Variants in TRAF5 observed in about 807,000 individuals in gnomAD.
The protein encoded by TRAF5 is TNF receptor associated factor 5.
Under a neutral mutation model 64.5 loss-of-function variants are expected in TRAF5, and 48 were observed. The observed-to-expected ratio is 0.74, with a 90% confidence interval of 0.59 to 0.95. The LOEUF is 0.95. Among genes scored for constraint, TRAF5 ranks in the 40% least tolerant of loss-of-function variants. The pLI, the probability that TRAF5 is intolerant of heterozygous loss-of-function variation, is 0.00. For missense variants in TRAF5, 545 were observed against 662.8 expected, an observed-to-expected ratio of 0.82 and a Z score of 1.95; for synonymous variants, 206 against 240.5, an observed-to-expected ratio of 0.86 and a Z score of 1.33.
intron 4 of TRAF5, chr1:211,357,593 C>T (rs981057320): frequency 1.3e-5 from 2 of 151,434 alleles, no homozygotes; most frequent in Non-Finnish European, 3.0e-5. Flanking sequence ...TGTTTCCCAC[C>T]CACCCACTTC....
rs1703456243 is a variant in TRAF5, at chr1:211,369,552, AGTT to A, written c.894_896del (p.Leu298del). ...GAAAAGGAGTTCAAGCAGTTTGCACAGTTGTTTGGCAAAAATGGAAGCTTCCTC... is the reference window on the plus strand; with the variant it reads ...GAAAAGGAGTTCAAGCAGTTTGCACAGTTTGGCAAAAATGGAAGCTTCCTC... On this transcript the variant is annotated inframe_deletion, in exon 9 of 11. Transcript: ENST00000261464. 1 of 1,600,076 alleles carries A rather than the reference AGTT, an allele frequency of 6.2e-7. No individual in the cohort carries two copies. Among genetic ancestry groups the A allele is most frequent in the African/African-American group, 1.3e-5 (1 of 74,346 alleles).
At chr1:211,337,370 G>T (rs140406054) in intron 1 of TRAF5, among the ~76,000 whole-genome samples, 2 of 152,174 alleles carry the variant, frequency 1.3e-5, no homozygotes, top group East Asian at 1.9e-4. Flanking sequence ...TCAAGAAGAC[G>T]CAAGGCAGTG....
chr1:211,327,189 G>T lies in TRAF5; in HGVS notation c.-2+300G>T, dbSNP rs189171675. Among the ~76,000 whole-genome samples, 518 of 152,200 alleles carry T rather than the reference G, an allele frequency of 3.4e-3. 4 individuals carry two copies. Among genetic ancestry groups the T allele is most frequent in the African/African-American group, 0.012 (486 of 41,532 alleles). ...GGTGTGGCGAGGGCGGAGACTGGGGGTCCAAAGCTGGGGAGCTGGTCCAGA... is the reference window on the plus strand; with the variant it reads ...GGTGTGGCGAGGGCGGAGACTGGGGTTCCAAAGCTGGGGAGCTGGTCCAGA... On this transcript the variant is annotated intron_variant, in intron 1 of 10. Coordinates refer to ENST00000261464, the MANE Select transcript of TRAF5 (RefSeq NM_001033910.3).
chr1:211,370,427 C>T (rs1261931257), intron 9 of TRAF5, among the ~76,000 whole-genome samples: 1 of 151,246 alleles, frequency 6.6e-6, no homozygotes, highest in African/African-American at 2.4e-5. Flanking sequence ...CATATACATA[C>T]AATGTATATG....
At chr1:211,326,783 G>A (rs1702024054), upstream of TRAF5, 1 of 984,324 alleles carries the variant, frequency 1.0e-6, no homozygotes, top group African/African-American at 1.8e-5. The surrounding 1 kb of genome is among the most constrained non-coding windows in gnomAD (Gnocchi z 5.0). Flanking sequence ...CCGCGCCCCG[G>A]CCCCGCCCCA....
chr1:211,330,702 T>G (rs1702135293), intron 1 of TRAF5, among the ~76,000 whole-genome samples: 1 of 152,190 alleles, frequency 6.6e-6, no homozygotes, highest in African/African-American at 2.4e-5. Flanking sequence ...TACTCCTCAG[T>G]CACCAGCCCA....
At chr1:211,341,225 T>C (rs1450760297) in intron 1 of TRAF5, among the ~76,000 whole-genome samples, 1 of 152,074 alleles carries the variant, frequency 6.6e-6, no homozygotes, top group Non-Finnish European at 1.5e-5. Flanking sequence ...CTGACCTAGC[T>C]TTGGGGAACC....
At chr1:211,363,668 G>A (rs1240335693) in intron 7 of TRAF5, among the ~76,000 whole-genome samples, 1 of 152,156 alleles carries the variant, frequency 6.6e-6, no homozygotes, top group Non-Finnish European at 1.5e-5. Context: ...TGTCTTGGCT[G>A]CAAAAAGAAT....
In TRAF5 at chr1:211,360,059, G is replaced by A. The variant is rs1462279985; in HGVS notation, c.526G>A (p.Val176Ile). 1 of 1,614,036 alleles carries A rather than the reference G, an allele frequency of 6.2e-7. No homozygotes were observed. Among genetic ancestry groups the A allele is most frequent in the Non-Finnish European group, 8.5e-7 (1 of 1,180,012 alleles). ...EKCLYCKKDV[V>I]VINLQNHEEN... ...ATGCCTTTATTGCAAAAAGGATGTG[G>A]TAGTCATCAATCTACAGGTGAAAAA... The change falls in exon 5 of 11, where the codon GTA becomes ATA. Residue 176 changes from valine to isoleucine, a missense_variant. Coordinates refer to ENST00000261464, the MANE Select transcript of TRAF5 (RefSeq NM_001033910.3).
intron 5 of TRAF5, 128 bp downstream of exon 5, chr1:211,360,204 A>G: frequency 9.2e-7 from 1 of 1,090,528 alleles, no homozygotes; most frequent in Non-Finnish European, 1.3e-6. Context: ...GGTCTAAAGA[A>G]TTTGCTTTTT....
intron 1 of TRAF5, 141 bp from the exon 2 acceptor site, chr1:211,353,098 A>T: frequency 1.2e-6 from 1 of 846,934 alleles, no homozygotes; most frequent in Non-Finnish European, 1.9e-6. Flanking sequence ...GGAGGTTGTC[A>T]CTGTTGTTTC....
At chr1:211,338,020 G>T (rs1314726717) in intron 1 of TRAF5, among the ~76,000 whole-genome samples, 2 of 152,162 alleles carry the variant, frequency 1.3e-5, no homozygotes, top group Non-Finnish European at 2.9e-5. Context: ...CTCACCCAGA[G>T]AATGAGTGCA....
chr1:211,336,492 G>T (rs1702293372), intron 1 of TRAF5, among the ~76,000 whole-genome samples: 1 of 152,212 alleles, frequency 6.6e-6, no homozygotes, highest in African/African-American at 2.4e-5. Flanking sequence ...TCTCCAGCTG[G>T]GACTGGTAGA....
chr1:211,360,128 A>G (rs776628137), intron 5 of TRAF5, 52 bp downstream of exon 5: 1 of 1,535,206 alleles, frequency 6.5e-7, no homozygotes, highest in Non-Finnish European at 9.0e-7. Flanking sequence ...ATTATGCCTG[A>G]GTGGTCACAG....
At chr1:211,359,159 G>A (rs1254163204) in intron 4 of TRAF5, 1 of 152,020 alleles carries the variant, frequency 6.6e-6, no homozygotes, top group African/African-American at 2.4e-5. Flanking sequence ...GTCTCACTGT[G>A]TTGCCCAGGC....
At chr1:211,356,064 G>C (rs1019370167) in intron 3 of TRAF5, among the ~76,000 whole-genome samples, 2 of 152,176 alleles carry the variant, frequency 1.3e-5, no homozygotes, top group Admixed American at 1.3e-4. Flanking sequence ...CATCACCCTT[G>C]GCCAAGCTTC....
At chr1:211,348,494 T>C (rs1433104975) in intron 1 of TRAF5, among the ~76,000 whole-genome samples, 1 of 152,180 alleles carries the variant, frequency 6.6e-6, no homozygotes, top group Non-Finnish European at 1.5e-5. Context: ...GAAGTCTGTT[T>C]ATCCATTCTT....
At chr1:211,354,605 C>G in intron 3 of TRAF5, 138 bp downstream of exon 3, 3 of 826,090 alleles carry the variant, frequency 3.6e-6, no homozygotes, top group Non-Finnish European at 5.7e-6. Flanking sequence ...TGTGGGGTCA[C>G]ATCAGACCCT....
At position 211,352,069 on chromosome 1, in the gene TRAF5, G is replaced by A. The variant is rs551642982; in HGVS notation, c.-1-1170G>A. On this transcript the variant is annotated intron_variant, in intron 1 of 10. Transcript: ENST00000261464. ...CAGGAGTTCAAGACCAGGCTGGGCA[G>A]CATAGTGAGACCCTGTCTGTGGTAG... 5.3e-5 allele frequency among the ~76,000 whole-genome samples: 8 copies of A among 152,152 alleles called. 1 individual carries two copies. The highest frequency in any genetic ancestry group is 1.2e-4 in the Non-Finnish European group (8 of 68,022).
Sources: allele counts gnomAD v4.1 joint callset (sites outside exome capture counted in the v4.1 genomes callset), GRCh38; gene constraint gnomAD v4.1.1; non-coding constraint Gnocchi (gnomAD v3.1); transcripts MANE v1.5; gene names NCBI Gene and HGNC (gene_info 2026-07-23, HGNC 2026-07-21).